BTAF1: variants seen among roughly 807,000 people sequenced by gnomAD.
The protein encoded by BTAF1 is B-TFIID TATA-box binding protein associated factor 1.
BTAF1 carries 38 observed loss-of-function variants against 227.1 expected under a neutral mutation model. That is an observed-to-expected ratio of 0.17 (90% CI 0.13 to 0.22). BTAF1 has a LOEUF of 0.22. Among genes scored for constraint, BTAF1 ranks in the 10% least tolerant of loss-of-function variants. The pLI is 1.00. For synonymous variants in BTAF1, 742 were observed against 751.9 expected, an observed-to-expected ratio of 0.99 and a Z score of 0.21; for missense variants, 1,598 against 2,204.0, an observed-to-expected ratio of 0.73 and a Z score of 5.51.
chr10:91,948,071 CAT>C (rs1845503333), intron 4 of BTAF1, among the ~76,000 whole-genome samples: 2 of 152,060 alleles, frequency 1.3e-5, no homozygotes, highest in South Asian at 4.1e-4. Context: ...AGGTTTGTCA[CAT>C]ATGTATACAT....
rs554077164 is a variant in BTAF1, at chr10:91,947,158, T to C, written c.401-4245T>C. Among the ~76,000 whole-genome samples, 73 of 152,324 alleles carry C rather than the reference T, an allele frequency of 4.8e-4. No homozygotes were observed. The South Asian group carries it at 7.9e-3, about 16-fold the overall frequency. On this transcript the variant is annotated intron_variant, in intron 4 of 37. Coordinates refer to ENST00000265990, the MANE Select transcript of BTAF1 (RefSeq NM_003972.3). ...ACCCCCAGCCTGATTTACACATATT[T>C]TCTACTGCTCTATAGGTTATCTTTT... is the stretch of plus-strand genomic sequence containing the variant.
At chr10:91,933,832 A>G (rs973529647) in intron 1 of BTAF1, among the ~76,000 whole-genome samples, 1 of 152,246 alleles carries the variant, frequency 6.6e-6, no homozygotes, top group Non-Finnish European at 1.5e-5. Flanking sequence ...TTCTCAGTAG[A>G]GAGAGAGCTC....
chr10:91,952,120 G>GT (rs1194992258), intron 5 of BTAF1, among the ~76,000 whole-genome samples: 1 of 151,528 alleles, frequency 6.6e-6, no homozygotes, highest in Non-Finnish European at 1.5e-5. Context: ...AAGTGCATGT[G>GT]TTTGTGTGTG....
At chr10:91,952,674 G>A (rs557145188) in intron 5 of BTAF1, among the ~76,000 whole-genome samples, 2 of 152,220 alleles carry the variant, frequency 1.3e-5, no homozygotes, top group African/African-American at 4.8e-5. Context: ...TTGGGGGTGT[G>A]AGTGATGATG....
intron 1 of BTAF1, among the ~76,000 whole-genome samples, chr10:91,927,061 C>T (rs973190725): frequency 6.6e-6 from 1 of 152,072 alleles, no homozygotes; most frequent in Non-Finnish European, 1.5e-5. Context: ...TTTTGTTACC[C>T]CCTACTGTTT....
intron 4 of BTAF1, among the ~76,000 whole-genome samples, chr10:91,943,921 C>T (rs1017477079): frequency 5.3e-5 from 8 of 152,222 alleles, no homozygotes; most frequent in African/African-American, 1.4e-4. Context: ...GAGGACGAGA[C>T]GGGCAGTTCA....
At chr10:92,017,472 A>G (rs1850816690) in intron 33 of BTAF1, among the ~76,000 whole-genome samples, 1 of 152,182 alleles carries the variant, frequency 6.6e-6, no homozygotes, top group Non-Finnish European at 1.5e-5. Flanking sequence ...TTTTAAAGAT[A>G]TAAGAAGGAA....
chr10:91,978,824 T>G lies in BTAF1; in HGVS notation c.1651-1630T>G, dbSNP rs1327248398. ...GATGATTTATGGCTTGTTTTTTTTTTTTTTTTTTTTTTCACTTTCATTTTA... is the reference window on the plus strand; with the variant it reads ...GATGATTTATGGCTTGTTTTTTTTTGTTTTTTTTTTTTCACTTTCATTTTA... On this transcript the variant is annotated intron_variant, in intron 14 of 37. Transcript: ENST00000265990. 5.3e-5 allele frequency among the ~76,000 whole-genome samples: 8 copies of G among 150,268 alleles called. No individual in the cohort carries two copies. The South Asian group carries it at 8.6e-4, about 16-fold the overall frequency.
At chr10:91,987,577 A>T (rs1589886219) in intron 19 of BTAF1, among the ~76,000 whole-genome samples, 1 of 152,008 alleles carries the variant, frequency 6.6e-6, no homozygotes, top group African/African-American at 2.4e-5. Context: ...GTCCTGACTC[A>T]TCTCTAGGGC....
intron 19 of BTAF1, among the ~76,000 whole-genome samples, chr10:91,988,328 G>C (rs1004112254): frequency 6.6e-6 from 1 of 152,152 alleles, no homozygotes; most frequent in African/African-American, 2.4e-5. Flanking sequence ...GTTGTCTACA[G>C]TCATTGAAAA....
intron 26 of BTAF1, 47 bp from the exon 27 acceptor site, chr10:92,008,778 GAAAA>G (rs896602001): frequency 3.4e-6 from 5 of 1,474,998 alleles, no homozygotes; most frequent in East Asian, 2.3e-5. Flanking sequence ...GTTTTTATAA[GAAAA>G]AATAAATTTA....
At chr10:92,004,653 G>A (rs1178659444) in intron 25 of BTAF1, among the ~76,000 whole-genome samples, 2 of 151,934 alleles carry the variant, frequency 1.3e-5, no homozygotes, top group Non-Finnish European at 1.5e-5. Context: ...ATTTTGTGTG[G>A]AGATGGGATC....
intron 6 of BTAF1, among the ~76,000 whole-genome samples, chr10:91,954,406 CTG>C (rs1253166750): frequency 6.6e-6 from 1 of 152,112 alleles, no homozygotes; most frequent in Non-Finnish European, 1.5e-5. Flanking sequence ...AAGAAAAGAA[CTG>C]TGTGGGTAAA....
chr10:92,028,796 A>G lies in BTAF1; in HGVS notation c.5413A>G (p.Lys1805Glu). The G allele has an allele frequency of 6.3e-7, 1 of 1,585,128 alleles. No homozygotes were observed. The highest frequency in any genetic ancestry group is 8.5e-7 in the Non-Finnish European group (1 of 1,171,752). ...LDLFTLDKDG[K>E]AEKADTSTSG... ...TTTGCCAATTTTTCTTAAGGATGGC[A>G]AAGCAGAAAAAGCTGACACCTCTAC... The change falls in exon 38 of 38, where the codon AAA becomes GAA. Residue 1805 changes from lysine (K) to glutamate (E), a missense_variant. By Grantham distance (56) the Lys-to-Glu change is moderately conservative. Around this residue, in one of 10 missense-constraint regions of BTAF1, gnomAD observed 79 missense variants for 97.9 expected, o/e 0.81. Transcript: ENST00000265990.
In BTAF1 at chr10:91,956,670, G is replaced by T; in HGVS notation, c.831+13G>T. On this transcript the variant is annotated intron_variant, in intron 7 of 37. Transcript: ENST00000265990. ...CTTAATTGAAGAGGTACTCTTGAAA[G>T]ACTCTAAAGTATCCATTAAAATTGC... is the stretch of plus-strand genomic sequence containing the variant. The T allele has an allele frequency of 6.2e-7, 1 of 1,606,558 alleles. No homozygotes were observed. The highest frequency in any genetic ancestry group is 8.5e-7 in the Non-Finnish European group (1 of 1,178,124).
intron 25 of BTAF1, among the ~76,000 whole-genome samples, chr10:92,005,388 C>A (rs965799913): frequency 2.0e-4 from 31 of 152,274 alleles, no homozygotes; most frequent in African/African-American, 7.5e-4. Context: ...TGCATCACAT[C>A]TATAGATAGT....
intron 16 of BTAF1, 22 bp from the exon 17 acceptor site, chr10:91,982,061 T>C (rs1435925549): frequency 6.9e-6 from 11 of 1,597,668 alleles, no homozygotes; most frequent in Non-Finnish European, 9.4e-6. Context: ...CTTTATTGTT[T>C]TTTTTTCCCC....
At position 92,003,009 on chromosome 10, in the gene BTAF1, T is replaced by C. The variant is rs530265671; in HGVS notation, c.3661-5114T>C. Among the ~76,000 whole-genome samples the C allele has an allele frequency of 5.3e-5, 8 of 152,160 alleles. 1 individual carries two copies. The highest frequency in any genetic ancestry group is 1.7e-4 in the African/African-American group (7 of 41,500). ...CCATCTCTACTGAAAATACAAAAGT[T>C]AGCTGGGCATGGTGGCACGCACCTG... On this transcript the variant is annotated intron_variant, in intron 25 of 37. Coordinates refer to ENST00000265990, the MANE Select transcript of BTAF1 (RefSeq NM_003972.3).
In BTAF1 at chr10:91,981,775, G is replaced by A; in HGVS notation, c.1888G>A (p.Val630Ile). Residue 630 changes from valine (V) to isoleucine (I), a missense_variant, in exon 16 of 38, where the codon GTA becomes ATA. Transcript: ENST00000265990. The part of the protein sequence containing the change: ...LPIDLNMLLE[V>I]KARAKEKTGG... ...TATCGATTTAAATATGTTGCTAGAA[G>A]TAAAAGCTAGAGCCAAGGTAAGTGT... 1 of 1,613,334 alleles carries A rather than the reference G, an allele frequency of 6.2e-7. No homozygotes were observed. Among genetic ancestry groups the A allele is most frequent in the Non-Finnish European group, 8.5e-7 (1 of 1,179,652 alleles).
Sources: gnomAD v4.1 joint callset for allele counts (sites outside exome capture counted in the v4.1 genomes callset) on GRCh38, gnomAD v4.1.1 for gene constraint, gnomAD v4.1.1 regional missense constraint, MANE v1.5 for transcripts, NCBI Gene and HGNC (gene_info 2026-07-23, HGNC 2026-07-21) for gene names.